Variants in TUBGCP3 observed in about 807,000 individuals in gnomAD.
TUBGCP3 encodes the protein tubulin gamma complex component 3.
In TUBGCP3, 50 loss-of-function variants were observed where a neutral mutation model predicts 123.1. The ratio of observed to expected loss-of-function variants is 0.41; its 90% confidence interval spans 0.32 to 0.51. The LOEUF (loss-of-function observed/expected upper bound fraction) is 0.51, where lower values mean the gene tolerates loss of function less well. TUBGCP3 is among the 20% of genes least tolerant of loss of function. The pLI is 0.36. For synonymous variants in TUBGCP3, 405 were observed against 413.9 expected, an observed-to-expected ratio of 0.98 and a Z score of 0.26; for missense variants, 882 against 1,127.0, an observed-to-expected ratio of 0.78 and a Z score of 3.11.
intron 19 of TUBGCP3, 152 bp from the exon 20 acceptor site, chr13:112,499,337 A>G (rs1363105083): frequency 9.4e-7 from 1 of 1,068,182 alleles, no homozygotes; most frequent in South Asian, 1.7e-5. Flanking sequence ...CCCTCACCAC[A>G]CATTTCCTGA....
intron 20 of TUBGCP3, among the ~76,000 whole-genome samples, chr13:112,496,064 T>C (rs2139202901): frequency 6.6e-6 from 1 of 152,326 alleles, no homozygotes; most frequent in South Asian, 2.1e-4. Context: ...ATTCTTATTC[T>C]GAGACAGTCA....
intron 17 of TUBGCP3, among the ~76,000 whole-genome samples, chr13:112,507,051 T>C (rs1881353257): frequency 2.0e-5 from 3 of 152,230 alleles, no homozygotes; most frequent in Admixed American, 6.5e-5. Context: ...CCTCAAGCTA[T>C]TTCTCAGATG....
Position 112,485,926 on chromosome 13 carries a change from C to G in TUBGCP3, c.*67G>C. 8.6e-7 allele frequency: 1 copy of G among 1,169,144 alleles called. No homozygotes were observed. The highest frequency in any genetic ancestry group is 1.2e-6 in the Non-Finnish European group (1 of 832,968). The allele number at this position is 1,169,144 out of a possible 1,614,324, so 72.4% of individuals were successfully genotyped here. On this transcript the variant is annotated 3_prime_UTR_variant, in exon 22 of 22. Coordinates refer to ENST00000261965, the MANE Select transcript of TUBGCP3 (RefSeq NM_006322.6). Reference sequence around the variant, plus strand: ...GCAGCATGCAGTTCCTGCAGGACGTCAATGGGAATTTCGTGTCTAGCAGTG... The same window carrying G: ...GCAGCATGCAGTTCCTGCAGGACGTGAATGGGAATTTCGTGTCTAGCAGTG...
At position 112,485,198 on chromosome 13, in the gene TUBGCP3, T is replaced by G. The variant is rs1360269683; in HGVS notation, c.*795A>C. On this transcript the variant is annotated 3_prime_UTR_variant, in exon 22 of 22. Transcript: ENST00000261965. ...AGGAAATCTTCATTATCCATGTCGA[T>G]TTCTTTCCAATGCTTATCAGGAACT... The G allele has an allele frequency of 6.6e-6, 1 of 152,636 alleles. No homozygotes were observed. Among genetic ancestry groups the G allele is most frequent in the East Asian group, 1.9e-4 (1 of 5,204 alleles). 9.5% of individuals were successfully genotyped at this position (152,636 alleles called of 1,614,324 possible).
Position 112,556,821 on chromosome 13 carries a change from T to C in TUBGCP3, c.549-597A>G, listed in dbSNP as rs1454311749. On this transcript the variant is annotated intron_variant, in intron 5 of 21. Coordinates refer to ENST00000261965, the MANE Select transcript of TUBGCP3 (RefSeq NM_006322.6). ...TGGCTTGTCAGCAATTTTGAGACTA[T>C]GTCAAAGTTGTTTTTTGAAAAATGT... Among the ~76,000 whole-genome samples, 7 of 152,366 alleles carry C rather than the reference T, an allele frequency of 4.6e-5. No individual in the cohort carries two copies. The South Asian group carries it at 8.3e-4, about 18-fold the overall frequency.
chr13:112,579,137 A>G (rs1239148711), intron 1 of TUBGCP3, among the ~76,000 whole-genome samples: 1 of 150,018 alleles, frequency 6.7e-6, no homozygotes, highest in South Asian at 2.1e-4. Context: ...ATAATTCACC[A>G]AGAAGACATA....
intron 2 of TUBGCP3, among the ~76,000 whole-genome samples, 163 bp from the exon 3 acceptor site, chr13:112,565,341 T>C (rs1880871705): frequency 6.6e-6 from 1 of 152,370 alleles, no homozygotes; most frequent in South Asian, 2.1e-4. Flanking sequence ...ATGAATCTGA[T>C]CAATTCATCT....
chr13:112,582,254 G>A (rs1490632531), intron 1 of TUBGCP3, among the ~76,000 whole-genome samples: 1 of 152,200 alleles, frequency 6.6e-6, no homozygotes, highest in Non-Finnish European at 1.5e-5. Context: ...AACTCAATCA[G>A]TAATTCAATG....
At chr13:112,503,088 G>A (rs1881039908) in intron 19 of TUBGCP3, among the ~76,000 whole-genome samples, 1 of 152,172 alleles carries the variant, frequency 6.6e-6, no homozygotes, top group Non-Finnish European at 1.5e-5. Flanking sequence ...AGGCCCTGAG[G>A]AGAGTGCAGG....
chr13:112,546,132 T>A (rs1407477510), intron 10 of TUBGCP3: 2 of 369,744 alleles, frequency 5.4e-6, no homozygotes, highest in African/African-American at 2.0e-5. Flanking sequence ...AAACAAAAAG[T>A]AGCAAAAAAT....
Position 112,545,823 on chromosome 13 carries a change from G to A in TUBGCP3, c.1211C>T (p.Thr404Ile). Residue 404 changes from threonine to isoleucine, a missense_variant, in exon 11 of 22, where the codon ACA becomes ATA. Around this residue, in one of 3 missense-constraint regions of TUBGCP3, gnomAD observed 713 missense variants for 874.0 expected, o/e 0.82. Transcript: ENST00000261965. The surrounding 1 kb of genome is among the most constrained non-coding windows in gnomAD (Gnocchi z 4.1). ...GELASAVHAYTKTGDPYMRSL... is the reference protein window; with the variant it reads ...GELASAVHAYIKTGDPYMRSL... ...CCGCATGTACGGGTCTCCTGTTTTT[G>A]TGTAGGCGTGGACAGCTGAGGCCAG... The A allele has an allele frequency of 6.2e-7, 1 of 1,614,176 alleles. No individual in the cohort carries two copies. The highest frequency in any genetic ancestry group is 1.1e-5 in the South Asian group (1 of 91,086).
chr13:112,568,086 G>A (rs1266381262), intron 2 of TUBGCP3, among the ~76,000 whole-genome samples: 3 of 151,726 alleles, frequency 2.0e-5, no homozygotes, highest in African/African-American at 4.9e-5. Context: ...TCTAGAAGGT[G>A]TTATTACTGA....
At chr13:112,561,638 C>T (rs1375216235) in intron 3 of TUBGCP3, among the ~76,000 whole-genome samples, 4 of 152,084 alleles carry the variant, frequency 2.6e-5, no homozygotes, top group Non-Finnish European at 5.9e-5. Flanking sequence ...TGCAAATGGA[C>T]GCCCAGAGGG....
intron 20 of TUBGCP3, 80 bp from the exon 21 acceptor site, chr13:112,489,777 G>C (rs568214002): frequency 8.8e-7 from 1 of 1,134,022 alleles, no homozygotes; most frequent in Non-Finnish European, 1.3e-6. Flanking sequence ...ACAGGTATGT[G>C]AGGAGCAGGA....
chr13:112,542,311 C>G (rs1878586139), intron 11 of TUBGCP3, among the ~76,000 whole-genome samples: 2 of 152,102 alleles, frequency 1.3e-5, no homozygotes, highest in South Asian at 4.1e-4. Context: ...TAATCAATTG[C>G]ACAGGTTTTT....
In TUBGCP3 at chr13:112,524,038, C is replaced by T. The variant is rs185178059; in HGVS notation, c.1556-1529G>A. Among the ~76,000 whole-genome samples, 2 of 152,260 alleles carry T rather than the reference C, an allele frequency of 1.3e-5. No individual in the cohort carries two copies. The highest frequency in any genetic ancestry group is 2.1e-4 in the South Asian group (1 of 4,818). Reference sequence around the variant, plus strand: ...AGGAGTCGTCACAGAGAAGCAGCAGCGTCAGCAGCAGCAGCGCCCCGTCAC... The same window carrying T: ...AGGAGTCGTCACAGAGAAGCAGCAGTGTCAGCAGCAGCAGCGCCCCGTCAC... On this transcript the variant is annotated intron_variant, in intron 13 of 21. Coordinates refer to ENST00000261965, the MANE Select transcript of TUBGCP3 (RefSeq NM_006322.6). This position sits in a 1 kb window ranked among gnomAD's most constrained non-coding sequence, Gnocchi z 4.4.
At position 112,522,423 on chromosome 13, in the gene TUBGCP3, C is replaced by T. The variant is rs1438887959; in HGVS notation, c.1642G>A (p.Val548Ile). 6.2e-7 allele frequency: 1 copy of T among 1,614,174 alleles called. No individual in the cohort carries two copies. Among genetic ancestry groups the T allele is most frequent in the South Asian group, 1.1e-5 (1 of 91,080 alleles). Reference sequence around the variant, plus strand: ...AGCAAGCTGTACTTTTTATTGAGAACATCCAACAGGTATTTGCTGGTCTCA... The same window carrying T: ...AGCAAGCTGTACTTTTTATTGAGAATATCCAACAGGTATTTGCTGGTCTCA... ...YFETSKYLLDVLNKKYSLLDH... is the reference protein window; with the variant it reads ...YFETSKYLLDILNKKYSLLDH... The change falls in exon 14 of 22, where the codon GTT becomes ATT. Residue 548 changes from valine (V) to isoleucine (I), a missense_variant. Val to Ile is a conservative substitution (Grantham distance 29). Transcript: ENST00000261965.
At chr13:112,551,531 C>A (rs1879586990) in intron 8 of TUBGCP3, among the ~76,000 whole-genome samples, 1 of 152,142 alleles carries the variant, frequency 6.6e-6, no homozygotes. Context: ...ACCATCACTC[C>A]TTCAGCAACT....
chr13:112,516,038 T>C (rs1482994124), intron 17 of TUBGCP3, among the ~76,000 whole-genome samples: 1 of 152,228 alleles, frequency 6.6e-6, no homozygotes, highest in African/African-American at 2.4e-5. Flanking sequence ...TCATTCAATG[T>C]TTATAACATT....
Sources: gnomAD v4.1 joint callset for allele counts (sites outside exome capture counted in the v4.1 genomes callset) on GRCh38, gnomAD v4.1.1 for gene constraint, gnomAD v4.1.1 regional missense constraint, Gnocchi (gnomAD v3.1) non-coding constraint, MANE v1.5 for transcripts, NCBI Gene and HGNC (gene_info 2026-07-23, HGNC 2026-07-21) for gene names.